Variants in IKBKB observed in about 807,000 individuals in gnomAD.
IKBKB encodes the protein inhibitor of nuclear factor kappa B kinase subunit beta.
Under a neutral mutation model 113.6 loss-of-function variants are expected in IKBKB, and 42 were observed. That is an observed-to-expected ratio of 0.37 (90% CI 0.29 to 0.48). IKBKB has a LOEUF of 0.48. Among genes scored for constraint, IKBKB ranks in the 20% least tolerant of loss-of-function variants. IKBKB has a pLI of 0.99. For missense variants in IKBKB, 673 were observed against 939.7 expected (o/e 0.72, Z 3.71); for synonymous variants, 296 against 361.3 (o/e 0.82, Z 2.05).
chr8:42,326,399 A>G, intron 20 of IKBKB: 1 of 319,830 alleles, frequency 3.1e-6, no homozygotes, highest in South Asian at 3.2e-5. Context: ...CATTCCCTTC[A>G]GGGAGGCCCT....
At position 42,295,013 on chromosome 8, in the gene IKBKB, G is replaced by T. The variant is rs1306728211; in HGVS notation, c.388+1501G>T. The stretch of plus-strand genomic sequence containing the variant: ...TTTATTTTGTTTCTCTTTGGTTAAA[G>T]CTTTGTCAAGTTATTATTTTTTTTT... On this transcript the variant is annotated intron_variant, in intron 5 of 21. Coordinates refer to ENST00000520810, the MANE Select transcript of IKBKB (RefSeq NM_001556.3). 2.0e-5 allele frequency among the ~76,000 whole-genome samples: 3 copies of T among 151,052 alleles called. No homozygotes were observed. The East Asian group carries it at 5.8e-4, about 29-fold the overall frequency.
chr8:42,330,896 A>C lies in IKBKB; in HGVS notation c.2206-18A>C. The C allele has an allele frequency of 6.2e-7, 1 of 1,614,144 alleles. No homozygotes were observed. The highest frequency in any genetic ancestry group is 8.5e-7 in the Non-Finnish European group (1 of 1,180,010). The stretch of plus-strand genomic sequence containing the variant: ...TGTTGGTGGCTGTTGTTTTTTTAAC[A>C]TGTCTGTTGACTTTCAGGCCCTAGA... On this transcript the variant is annotated intron_variant, in intron 21 of 21. Coordinates refer to ENST00000520810, the MANE Select transcript of IKBKB (RefSeq NM_001556.3).
intron 19 of IKBKB, among the ~76,000 whole-genome samples, chr8:42,323,213 C>T (rs1443204638): frequency 6.6e-6 from 1 of 152,244 alleles, no homozygotes; most frequent in Non-Finnish European, 1.5e-5. Context: ...TCTCCAAGTA[C>T]GGTCACACTC....
intron 2 of IKBKB, among the ~76,000 whole-genome samples, chr8:42,274,369 G>T (rs1048403664): frequency 2.0e-5 from 3 of 151,996 alleles, no homozygotes; most frequent in Admixed American, 6.6e-5. Context: ...TAGTCACCCT[G>T]TTGTTCTTTA....
At chr8:42,304,120 G>C (rs1204868473) in intron 5 of IKBKB, among the ~76,000 whole-genome samples, 1 of 152,136 alleles carries the variant, frequency 6.6e-6, no homozygotes, top group Non-Finnish European at 1.5e-5. Context: ...AGCTAACATA[G>C]AGAAAAGCTA....
At chr8:42,300,364 T>C (rs1289524048) in intron 5 of IKBKB, among the ~76,000 whole-genome samples, 1 of 152,182 alleles carries the variant, frequency 6.6e-6, no homozygotes, top group Non-Finnish European at 1.5e-5. Context: ...TTTGTACCCT[T>C]CTAACCTCTA....
chr8:42,319,104 G>T (rs933533874), intron 13 of IKBKB, among the ~76,000 whole-genome samples, 166 bp from the exon 14 acceptor site: 55 of 152,232 alleles, frequency 3.6e-4, no homozygotes, highest in African/African-American at 1.3e-3. Flanking sequence ...ATTGCTGAGG[G>T]CTAGGAAATT....
intron 19 of IKBKB, chr8:42,325,733 C>T (rs1460070173): frequency 1.5e-6 from 2 of 1,317,192 alleles, no homozygotes; most frequent in African/African-American, 3.0e-5. Flanking sequence ...AATGTAGGCA[C>T]CCAGGTCTCC....
rs1563310544 is a variant in IKBKB, at chr8:42,288,633, G to A, written c.106-1G>A. 1 of 1,607,914 alleles carries A rather than the reference G, an allele frequency of 6.2e-7. No individual in the cohort carries two copies. Among genetic ancestry groups the A allele is most frequent in the Non-Finnish European group, 8.5e-7 (1 of 1,176,584 alleles). On this transcript the variant is annotated splice_acceptor_variant, in intron 2 of 21. Transcript: ENST00000520810. LOFTEE classifies it high-confidence loss of function. ...TGGTCCCCACTGTGCTGTTTCTGTA[G>A]GAAACAGGTGAGCAGATTGCCATCA...
chr8:42,297,079 T>C (rs2130409363), intron 5 of IKBKB, among the ~76,000 whole-genome samples: 1 of 152,272 alleles, frequency 6.6e-6, no homozygotes, highest in South Asian at 2.1e-4. Flanking sequence ...CTTCTGAGAC[T>C]CCCATCCTGG....
intron 5 of IKBKB, among the ~76,000 whole-genome samples, chr8:42,299,708 C>T (rs1454358570): frequency 6.6e-6 from 1 of 152,236 alleles, no homozygotes; most frequent in Non-Finnish European, 1.5e-5. Context: ...CCACCTGTCC[C>T]TTGCTGGCCT....
chr8:42,310,819 C>T (rs553622422), intron 8 of IKBKB, among the ~76,000 whole-genome samples: 16 of 152,274 alleles, frequency 1.1e-4, no homozygotes, highest in South Asian at 2.1e-4. Context: ...CTTCATACAA[C>T]GTGCCTTTCA....
In IKBKB at chr8:42,330,999, C is replaced by T. The variant is rs1190241495; in HGVS notation, c.*20C>T. The T allele has an allele frequency of 6.2e-7, 1 of 1,602,798 alleles. No homozygotes were observed. The highest frequency in any genetic ancestry group is 8.5e-7 in the Non-Finnish European group (1 of 1,171,894). ...TCATGATGTGGGGGGACTCGACCCC[C>T]TGACATGGGGCAGCCCATAGCAGGC... On this transcript the variant is annotated 3_prime_UTR_variant, in exon 22 of 22. Transcript: ENST00000520810.
At chr8:42,272,536 A>C (rs1808005347) in intron 2 of IKBKB, 1 of 405,812 alleles carries the variant, frequency 2.5e-6, no homozygotes, top group Non-Finnish European at 4.3e-6. Flanking sequence ...GGAAAATTTA[A>C]AGGATGAGAC....
At chr8:42,319,508 A>G in intron 14 of IKBKB, 77 bp from the exon 15 acceptor site, 2 of 1,585,674 alleles carry the variant, frequency 1.3e-6, no homozygotes. Flanking sequence ...ATTATAATTG[A>G]GTTGCTTATT....
At chr8:42,292,449 T>C (rs961437763) in intron 4 of IKBKB, among the ~76,000 whole-genome samples, 19 of 151,768 alleles carry the variant, frequency 1.3e-4, no homozygotes, top group Non-Finnish European at 1.5e-5. Context: ...CCCAGCGGGG[T>C]TGGGGGAGGA....
chr8:42,301,950 A>T (rs1483272730), intron 5 of IKBKB, among the ~76,000 whole-genome samples: 1 of 152,206 alleles, frequency 6.6e-6, no homozygotes, highest in Non-Finnish European at 1.5e-5. Context: ...AAATTACAGT[A>T]TCTCAACTTC....
In IKBKB at chr8:42,317,743, G is replaced by A. The variant is rs756417980; in HGVS notation, c.1212G>A (p.Arg404=). ...KITYETQISP[R]PQPESVSCIL... ...CCTATGAGACTCAGATCTCCCCACGGCCCCAACCTGAAAGTGTCAGCTGTA... is the reference window on the plus strand; with the variant it reads ...CCTATGAGACTCAGATCTCCCCACGACCCCAACCTGAAAGTGTCAGCTGTA... The change falls in exon 12 of 22, where the codon CGG becomes CGA. Residue 404 remains arginine (R), a synonymous_variant. Transcript: ENST00000520810. 1 of 1,612,852 alleles carries A rather than the reference G, an allele frequency of 6.2e-7. No homozygotes were observed. The highest frequency in any genetic ancestry group is 8.5e-7 in the Non-Finnish European group (1 of 1,178,844).
chr8:42,277,908 A>G (rs1809513949), intron 2 of IKBKB, among the ~76,000 whole-genome samples: 1 of 152,268 alleles, frequency 6.6e-6, no homozygotes, highest in Non-Finnish European at 1.5e-5. Flanking sequence ...CCACTCTGCC[A>G]GTCCACAAAT....
Sources: gnomAD v4.1 joint callset for allele counts (sites outside exome capture counted in the v4.1 genomes callset) on GRCh38, gnomAD v4.1.1 for gene constraint, MANE v1.5 for transcripts, NCBI Gene and HGNC (gene_info 2026-07-23, HGNC 2026-07-21) for gene names.